MOCOS: variants seen among roughly 807,000 people sequenced by gnomAD.
The protein encoded by MOCOS is molybdenum cofactor sulfurase, also known as human molybdenum cofactor sulfurase.
MOCOS carries 86 observed loss-of-function variants against 83.6 expected under a neutral mutation model. The observed-to-expected ratio is 1.03, with a 90% CI of 0.86 to 1.23. The LOEUF is 1.23. MOCOS is among the 50% of genes most tolerant of loss of function. The pLI, the probability that MOCOS is intolerant of heterozygous loss-of-function variation, is 0.00. For synonymous variants in MOCOS, 445 were observed against 434.7 expected (o/e 1.02, Z -0.29); for missense variants, 1,120 against 1,126.9 (o/e 0.99, Z 0.09).
chr18:36,241,242 C>T (rs577534981), intron 9 of MOCOS, among the ~76,000 whole-genome samples: 9 of 152,266 alleles, frequency 5.9e-5, no homozygotes, highest in Non-Finnish European at 1.3e-4. Context: ...AAGGCAAGTC[C>T]CTTCCACCTA....
At chr18:36,212,675 G>A (rs532078467) in intron 6 of MOCOS, among the ~76,000 whole-genome samples, 6 of 152,344 alleles carry the variant, frequency 3.9e-5, no homozygotes, top group South Asian at 2.1e-4. Context: ...GGGAGGCATC[G>A]TTGCCCAGCC....
chr18:36,239,431 ATTCTT>A (rs2091572601), intron 9 of MOCOS, among the ~76,000 whole-genome samples: 1 of 151,368 alleles, frequency 6.6e-6, no homozygotes, highest in African/African-American at 2.4e-5. Context: ...TGGGTTGAAA[ATTCTT>A]TTCTTTAAGA....
In MOCOS at chr18:36,225,242, C is replaced by T. The variant is rs549399743; in HGVS notation, c.1960+5025C>T. On this transcript the variant is annotated intron_variant, in intron 9 of 14. Coordinates refer to ENST00000261326, the MANE Select transcript of MOCOS (RefSeq NM_017947.4). ...TCTCGGCTCACTGCAACCTCCGCCT[C>T]CTGGGTTCAAGTGATTCTCCTGCCT... Among the ~76,000 whole-genome samples the T allele has an allele frequency of 2.3e-3, 357 of 152,250 alleles. 3 individuals carry two copies. Among genetic ancestry groups the T allele is most frequent in the African/African-American group, 8.2e-3 (340 of 41,554 alleles).
intron 9 of MOCOS, among the ~76,000 whole-genome samples, chr18:36,224,256 T>C: frequency 6.6e-6 from 1 of 152,208 alleles, no homozygotes; most frequent in East Asian, 1.9e-4. Flanking sequence ...TTTACTTCCC[T>C]TTTCCAATTT....
intron 9 of MOCOS, among the ~76,000 whole-genome samples, chr18:36,236,977 G>C (rs1343805835): frequency 6.6e-6 from 1 of 152,054 alleles, no homozygotes; most frequent in Admixed American, 6.6e-5. Flanking sequence ...TTTGCACATT[G>C]ATTTTGTATC....
At chr18:36,254,209 C>A (rs2091632519) in intron 11 of MOCOS, among the ~76,000 whole-genome samples, 3 of 152,044 alleles carry the variant, frequency 2.0e-5, no homozygotes, top group Admixed American at 2.0e-4. Flanking sequence ...AGTTGGTATA[C>A]CTTAGAAGGA....
At position 36,205,275 on chromosome 18, in the gene MOCOS, A is replaced by G. The variant is rs761799443; in HGVS notation, c.1217A>G (p.Gln406Arg). The part of the protein sequence containing the change: ...DDKGNIIGYS[Q>R]VDKMASLYNI... The stretch of plus-strand genomic sequence containing the variant: ...AAAGGGAACATCATTGGTTACTCCC[A>G]GGTGGGTTTTCTTTCCATCCTGCTG... The change falls in exon 6 of 15, where the codon CAG becomes CGG. Residue 406 changes from glutamine (Q) to arginine (R), a missense_variant and splice_region_variant. Transcript: ENST00000261326. The G allele has an allele frequency of 1.2e-6, 2 of 1,613,308 alleles. No individual in the cohort carries two copies. Among genetic ancestry groups the G allele is most frequent in the South Asian group, 2.2e-5 (2 of 91,032 alleles).
At chr18:36,261,372 A>G (rs1221971314) in intron 13 of MOCOS, among the ~76,000 whole-genome samples, 1 of 136,128 alleles carries the variant, frequency 7.3e-6, no homozygotes, top group Non-Finnish European at 1.7e-5. Context: ...TAAATATTCC[A>G]AAATTAAAAA....
In MOCOS at chr18:36,219,627, TGA is replaced by T; in HGVS notation, c.1798-425_1798-424del. Among the ~76,000 whole-genome samples the T allele has an allele frequency of 3.3e-5, 5 of 152,210 alleles. No homozygotes were observed. The South Asian group carries it at 1.0e-3, about 32-fold the overall frequency. ...CCAGGAGGCAGAGGTTGCAATGGGC[TGA>T]GATTGCACCACTACACTCCAGCCTG... On this transcript the variant is annotated intron_variant, in intron 8 of 14. Coordinates refer to ENST00000261326, the MANE Select transcript of MOCOS (RefSeq NM_017947.4).
At chr18:36,251,122 A>G (rs762461897) in intron 10 of MOCOS, 37 bp from the exon 11 acceptor site, 6 of 1,593,052 alleles carry the variant, frequency 3.8e-6, no homozygotes, top group South Asian at 2.2e-5. Context: ...AATAAATACT[A>G]TGTAACAGTT....
rs750193468 is a variant in MOCOS, at chr18:36,268,612, T to G, written c.2594T>G (p.Leu865Arg). 4.3e-6 allele frequency: 7 copies of G among 1,614,008 alleles called. No homozygotes were observed. The highest frequency in any genetic ancestry group is 5.9e-6 in the Non-Finnish European group (7 of 1,180,016). The change falls in exon 15 of 15, where the codon CTC becomes CGC. Residue 865 changes from leucine (L) to arginine (R), a missense_variant. Physicochemically the swap from Leu to Arg is moderately radical, Grantham distance 102 (BLOSUM62 -2). Coordinates refer to ENST00000261326, the MANE Select transcript of MOCOS (RefSeq NM_017947.4). ...TTCCTGTCTGTAGGATCTCAGGTGC[T>G]CCCTGTGTTGAAAGAGAATGTGGAA... ...PCFLSVGSQV[L>R]PVLKENVEGH...
In MOCOS at chr18:36,256,959, C is replaced by T. The variant is rs188625675; in HGVS notation, c.2165-9C>T. On this transcript the variant is annotated splice_polypyrimidine_tract_variant and intron_variant, in intron 11 of 14. Transcript: ENST00000261326. The stretch of plus-strand genomic sequence containing the variant: ...GCAACTCTTCTTTTAAATGCTCCAT[C>T]ATTTTCAGATCAACTTCCTGGTACA... The T allele has an allele frequency of 5.2e-5, 84 of 1,607,698 alleles. 2 individuals carry two copies. In the Middle Eastern group the frequency reaches 9.9e-4, roughly 19 times the overall value.
Position 36,266,151 on chromosome 18 carries a change from C to T in MOCOS, c.2410-598C>T, listed in dbSNP as rs1225733985. Among the ~76,000 whole-genome samples, 3 of 152,076 alleles carry T rather than the reference C, an allele frequency of 2.0e-5. No homozygotes were observed. The East Asian group carries it at 5.8e-4, about 29-fold the overall frequency. ...GCGCTGGCTCTGCGACCTCCTCCTC[C>T]TCTTTCTTCTTTCTTGCTCTGTTGC... is the stretch of plus-strand genomic sequence containing the variant. On this transcript the variant is annotated intron_variant, in intron 13 of 14. Coordinates refer to ENST00000261326, the MANE Select transcript of MOCOS (RefSeq NM_017947.4).
chr18:36,219,779 T>C (rs913411958), intron 8 of MOCOS, among the ~76,000 whole-genome samples: 1 of 152,350 alleles, frequency 6.6e-6, no homozygotes, highest in Middle Eastern at 3.4e-3. Flanking sequence ...TAGACTCTTG[T>C]ACTCTCTGAA....
chr18:36,268,001 CA>C (rs2091687253), intron 14 of MOCOS, among the ~76,000 whole-genome samples: 1 of 152,206 alleles, frequency 6.6e-6, no homozygotes, highest in African/African-American at 2.4e-5. Flanking sequence ...GAGAGCATGT[CA>C]AGTCCTCCAA....
chr18:36,208,746 A>T (rs527953558), intron 6 of MOCOS, among the ~76,000 whole-genome samples: 1 of 152,172 alleles, frequency 6.6e-6, no homozygotes, highest in African/African-American at 2.4e-5. Context: ...GAAGAGAGAT[A>T]GGTTGACTTC....
In MOCOS at chr18:36,254,501, T is replaced by TAG. The variant is rs57765304; in HGVS notation, c.2165-2454_2165-2453dup. 4.9e-4 allele frequency among the ~76,000 whole-genome samples: 71 copies of TAG among 144,730 alleles called. No homozygotes were observed. In the East Asian group the frequency reaches 7.8e-3, roughly 16 times the overall value. The allele number at this position is 144,730 out of a possible 152,430, so 94.9% of individuals were successfully genotyped here. A position where few individuals can be genotyped will look rare whatever the true frequency, so the allele number is the denominator to read the frequency against. On this transcript the variant is annotated intron_variant, in intron 11 of 14. Coordinates refer to ENST00000261326, the MANE Select transcript of MOCOS (RefSeq NM_017947.4). ...GTGTGTGTGTGTGTGTGTGTGTGTA[T>TAG]AGAGAGAGAGAGAGCGAGAGGGAGA...
intron 14 of MOCOS, among the ~76,000 whole-genome samples, chr18:36,268,136 A>C (rs1384187504): frequency 2.6e-5 from 4 of 152,182 alleles, no homozygotes; most frequent in South Asian, 2.1e-4. Context: ...ATTCTTTCTC[A>C]AGGAAAATGC....
At chr18:36,249,587 C>G (rs2091614689) in intron 10 of MOCOS, among the ~76,000 whole-genome samples, 1 of 151,896 alleles carries the variant, frequency 6.6e-6, no homozygotes, top group Non-Finnish European at 1.5e-5. Flanking sequence ...GGGAAAAGAC[C>G]TGATTTGCAT....
Sources: allele counts gnomAD v4.1 joint callset (sites outside exome capture counted in the v4.1 genomes callset), GRCh38; gene constraint gnomAD v4.1.1; transcripts MANE v1.5; gene names NCBI Gene and HGNC (gene_info 2026-07-23, HGNC 2026-07-21).